Variants in SEMA3G observed in about 807,000 individuals in gnomAD.
The protein encoded by SEMA3G is semaphorin 3G, also known as semaphorin-3G.
SEMA3G carries 70 observed loss-of-function variants against 86.2 expected under a neutral mutation model. The observed-to-expected ratio is 0.81, with a 90% CI of 0.67 to 0.99. SEMA3G has a LOEUF of 0.99. Among genes scored for constraint, SEMA3G ranks in the 50% least tolerant of loss-of-function variants. The pLI is 0.00. For missense variants in SEMA3G, 1,002 were observed against 1,072.4 expected (o/e 0.93, Z 0.92); for synonymous variants, 416 against 441.4 (o/e 0.94, Z 0.72).
At chr3:52,438,879 G>A in intron 13 of SEMA3G, 41 bp downstream of exon 13, 1 of 1,610,716 alleles carries the variant, frequency 6.2e-7, no homozygotes, top group Non-Finnish European at 8.5e-7. Context: ...CGGAGCAGGG[G>A]CAGAAGGGGG....
At chr3:52,444,252 C>A (rs556517527) in intron 1 of SEMA3G, among the ~76,000 whole-genome samples, 2 of 152,286 alleles carry the variant, frequency 1.3e-5, no homozygotes, top group Admixed American at 1.3e-4. Context: ...CCTCTGTCTC[C>A]TCCCCATCTT....
At chr3:52,437,250 A>G (rs1478794494) in intron 15 of SEMA3G, among the ~76,000 whole-genome samples, 1 of 152,172 alleles carries the variant, frequency 6.6e-6, no homozygotes, top group Non-Finnish European at 1.5e-5. Flanking sequence ...GTGTGTAAAC[A>G]TGGGAGACTT....
rs1315952388 is a variant in SEMA3G, at chr3:52,434,415, C to T, written c.*1188G>A. On this transcript the variant is annotated 3_prime_UTR_variant, in exon 16 of 16. Transcript: ENST00000231721. The surrounding 1 kb of genome is among the most constrained non-coding windows in gnomAD (Gnocchi z 5.2). ...GTTTCCCCCTTAAAAGAAAAACAGT[C>T]TTCCTAAATCCATTTAGCATAAAAC... The T allele has an allele frequency of 2.0e-5, 3 of 152,034 alleles. No individual in the cohort carries two copies. Among genetic ancestry groups the T allele is most frequent in the Non-Finnish European group, 4.4e-5 (3 of 68,026 alleles). The allele number at this position is 152,034 out of a possible 1,614,324, so 9.4% of individuals were successfully genotyped here. A position where few individuals can be genotyped will look rare whatever the true frequency, so the allele number is the denominator to read the frequency against.
rs1182077914 is a variant in SEMA3G, at chr3:52,440,829, G to A, written c.929-6C>T. 3.7e-6 allele frequency: 6 copies of A among 1,611,682 alleles called. No individual in the cohort carries two copies. On this transcript the variant is annotated splice_region_variant and splice_polypyrimidine_tract_variant and intron_variant, in intron 8 of 15. Transcript: ENST00000231721. Reference sequence around the variant, plus strand: ...CCACAGCAGGAACACATCCTCTGGGGTAGAGAAAGGAGTATGAGTGTCATG... The same window carrying A: ...CCACAGCAGGAACACATCCTCTGGGATAGAGAAAGGAGTATGAGTGTCATG...
chr3:52,441,042 C>G lies in SEMA3G; in HGVS notation c.820G>C (p.Ala274Pro), dbSNP rs1706144010. 1 of 1,593,762 alleles carries G rather than the reference C, an allele frequency of 6.3e-7. No homozygotes were observed. Among genetic ancestry groups the G allele is most frequent in the African/African-American group, 1.3e-5 (1 of 74,858 alleles). ...TTCACCAGCACCCGCTGGCCCCCAGCATCATTCTGCAGGATAAGGGGCCAG... is the reference window on the plus strand; with the variant it reads ...TTCACCAGCACCCGCTGGCCCCCAGGATCATTCTGCAGGATAAGGGGCCAG... ...SRVGRVCVND[A>P]GGQRVLVNKW... Residue 274 changes from alanine (A) to proline (P), a missense_variant, in exon 8 of 16, where the codon GCT becomes CCT. Transcript: ENST00000231721.
rs534681162 is a variant in SEMA3G, at chr3:52,439,796, C to T, written c.1376-25G>A. 4.5e-5 allele frequency: 72 copies of T among 1,611,396 alleles called. 2 individuals are homozygous for T. The South Asian group carries it at 6.5e-4, about 15-fold the overall frequency. On this transcript the variant is annotated intron_variant, in intron 11 of 15. Transcript: ENST00000231721. ...TCTGGGGCCAGGGAGGAGGGGTCAG[C>T]GGGACAGGAGGGGACAGCCAGAGAC...
At chr3:52,440,628 G>T in intron 9 of SEMA3G, 107 bp from the exon 10 acceptor site, 1 of 1,472,014 alleles carries the variant, frequency 6.8e-7, no homozygotes. Context: ...GCAGCAAGCA[G>T]AGACTCCGAA....
chr3:52,435,782 C>T lies in SEMA3G; in HGVS notation c.2170G>A (p.Glu724Lys). 3 of 1,614,180 alleles carry T rather than the reference C, an allele frequency of 1.9e-6. No individual in the cohort carries two copies. The highest frequency in any genetic ancestry group is 1.6e-4 in the Middle Eastern group (1 of 6,062). ...IGFANLPRVDEYCERVWCRGT... is the reference protein window; with the variant it reads ...IGFANLPRVDKYCERVWCRGT... ...CTGCACCACACGCGCTCACAGTACT[C>T]ATCCACCCGGGGCAGGTTGGCGAAG... The change falls in exon 16 of 16, where the codon GAG becomes AAG. Residue 724 changes from glutamate to lysine, a missense_variant. Physicochemically the swap from Glu to Lys is moderately conservative, Grantham distance 56. Coordinates refer to ENST00000231721, the MANE Select transcript of SEMA3G (RefSeq NM_020163.3).
chr3:52,440,714 CAG>C lies in SEMA3G; in HGVS notation c.998+38_998+39del, dbSNP rs755463771. On this transcript the variant is annotated intron_variant, in intron 9 of 15. Coordinates refer to ENST00000231721, the MANE Select transcript of SEMA3G (RefSeq NM_020163.3). The stretch of plus-strand genomic sequence containing the variant: ...CAGGTCACCGAATCAGGGACAAAGA[CAG>C]GGGCCCATCGCAAGGCCGGGGTGCT... 5.5e-5 allele frequency: 87 copies of C among 1,580,160 alleles called. 1 individual carries two copies. The highest frequency in any genetic ancestry group is 2.3e-4 in the South Asian group (20 of 88,006).
Position 52,445,051 on chromosome 3 carries a change from G to T in SEMA3G, c.-24C>A. Reference sequence around the variant, plus strand: ...ATGCTGGGGAACTGAGGGCACCGCTGCCGCCTGCCTGCAGAGCCGCCCTCT... The same window carrying T: ...ATGCTGGGGAACTGAGGGCACCGCTTCCGCCTGCCTGCAGAGCCGCCCTCT... On this transcript the variant is annotated 5_prime_UTR_variant, in exon 1 of 16. Coordinates refer to ENST00000231721, the MANE Select transcript of SEMA3G (RefSeq NM_020163.3). 1 of 1,263,104 alleles carries T rather than the reference G, an allele frequency of 7.9e-7. No homozygotes were observed. Among genetic ancestry groups the T allele is most frequent in the African/African-American group, 1.5e-5 (1 of 64,656 alleles). 78.2% of individuals were successfully genotyped at this position (1,263,104 alleles called of 1,614,324 possible).
chr3:52,445,047 C>T lies in SEMA3G; in HGVS notation c.-20G>A, dbSNP rs1706241556. The T allele has an allele frequency of 2.4e-6, 3 of 1,263,286 alleles. No homozygotes were observed. Among genetic ancestry groups the T allele is most frequent in the Admixed American group, 4.2e-5 (1 of 23,774 alleles). 78.3% of individuals were successfully genotyped at this position (1,263,286 alleles called of 1,614,324 possible). On this transcript the variant is annotated 5_prime_UTR_variant, in exon 1 of 16. Coordinates refer to ENST00000231721, the MANE Select transcript of SEMA3G (RefSeq NM_020163.3). ...GGCCATGCTGGGGAACTGAGGGCACCGCTGCCGCCTGCCTGCAGAGCCGCC... is the reference window on the plus strand; with the variant it reads ...GGCCATGCTGGGGAACTGAGGGCACTGCTGCCGCCTGCCTGCAGAGCCGCC...
Position 52,442,283 on chromosome 3 carries a change from G to A in SEMA3G, c.361C>T (p.Arg121Trp), listed in dbSNP as rs1335526424. ...GTCCGGTTGTGAGGCTGTAGCACCC[G>A]CACGAAGTTGGCGCACTCTGTCTGC... is the stretch of plus-strand genomic sequence containing the variant. ...DPLTECANFV[R>W]VLQPHNRTHL... The change falls in exon 4 of 16, where the codon CGG (arginine) becomes TGG (tryptophan). Residue 121 changes from arginine (R) to tryptophan (W), a missense_variant. Transcript: ENST00000231721. The surrounding 1 kb of genome is among the most constrained non-coding windows in gnomAD (Gnocchi z 6.1). 8.1e-6 allele frequency: 13 copies of A among 1,613,828 alleles called. No individual in the cohort carries two copies. The highest frequency in any genetic ancestry group is 1.7e-5 in the Admixed American group (1 of 60,014).
At chr3:52,436,241 A>G (rs769191980) in intron 15 of SEMA3G, among the ~76,000 whole-genome samples, 168 bp from the exon 16 acceptor site, 3 of 152,206 alleles carry the variant, frequency 2.0e-5, no homozygotes, top group Non-Finnish European at 4.4e-5. Context: ...GGCCTCCTCT[A>G]GACCACCAGC....
Position 52,435,878 on chromosome 3 carries a change from G to A in SEMA3G, c.2074C>T (p.Pro692Ser), listed in dbSNP as rs200593686. ...GAAGCCAGGCCTCCCCGGGCTGGGG[G>A]CTCCTCTGGCTTTGGCTCCGGAGGG... ...LFPPEPKPEE[P>S]PARGGLASTP... The change falls in exon 16 of 16, where the codon CCC (proline) becomes TCC (serine). Residue 692 changes from proline to serine, a missense_variant. Coordinates refer to ENST00000231721, the MANE Select transcript of SEMA3G (RefSeq NM_020163.3). 9.0e-5 allele frequency: 145 copies of A among 1,613,996 alleles called. No homozygotes were observed. Among genetic ancestry groups the A allele is most frequent in the Non-Finnish European group, 1.1e-4 (132 of 1,180,058 alleles).
Position 52,442,398 on chromosome 3 carries a change from T to A in SEMA3G, c.340-94A>T. On this transcript the variant is annotated intron_variant, in intron 3 of 15. Coordinates refer to ENST00000231721, the MANE Select transcript of SEMA3G (RefSeq NM_020163.3). The surrounding 1 kb of genome is among the most constrained non-coding windows in gnomAD (Gnocchi z 6.1). ...CTCAGCCCTGTCTGGCGGTCAGCTC[T>A]GGGGAGGGGGGTGGGTGTGACATTC... 1.9e-6 allele frequency: 1 copy of A among 514,410 alleles called. No homozygotes were observed. The highest frequency in any genetic ancestry group is 3.5e-6 in the Non-Finnish European group (1 of 287,572). The allele number at this position is 514,410 out of a possible 1,614,324, so 31.9% of individuals were successfully genotyped here.
chr3:52,436,116 A>G, intron 15 of SEMA3G, 43 bp from the exon 16 acceptor site: 1 of 1,552,228 alleles, frequency 6.4e-7, no homozygotes, highest in Non-Finnish European at 8.7e-7. Flanking sequence ...GCAAGGTGGG[A>G]GTTTACCATC....
At position 52,440,454 on chromosome 3, in the gene SEMA3G, G is replaced by A; in HGVS notation, c.1066C>T (p.Pro356Ser). Reference protein sequence around the residue: ...MADIWEVFNGPFAHRDGPQHQ... With the variant: ...MADIWEVFNGSFAHRDGPQHQ... Reference sequence around the variant, plus strand: ...TGAGGCCCATCTCGGTGGGCAAAGGGCCCGTTGAAAACCTCCCAGATGTCT... The same window carrying A: ...TGAGGCCCATCTCGGTGGGCAAAGGACCCGTTGAAAACCTCCCAGATGTCT... Residue 356 changes from proline to serine, a missense_variant, in exon 10 of 16, where the codon CCC (proline) becomes TCC (serine). By Grantham distance (74) the Pro-to-Ser change is moderately conservative (BLOSUM62 -1). Transcript: ENST00000231721. 1 of 1,603,816 alleles carries A rather than the reference G, an allele frequency of 6.2e-7. No individual in the cohort carries two copies. Among genetic ancestry groups the A allele is most frequent in the Non-Finnish European group, 8.5e-7 (1 of 1,176,174 alleles).
rs1321287722 is a variant in SEMA3G, at chr3:52,435,714, C to T, written c.2238G>A (p.Arg746=). The change falls in exon 16 of 16, where the codon CGG becomes CGA. Residue 746 remains arginine, a synonymous_variant. Transcript: ENST00000231721. The part of the protein sequence containing the change: ...ECSGCFRSRS[R]GKQARGKSWA... ...AGCTCTTGCCCCTGGCCTGCTTGCC[C>T]CGGCTCCGGCTCCGGAAGCAGCCTG... 5.0e-6 allele frequency: 8 copies of T among 1,614,076 alleles called. No homozygotes were observed. The highest frequency in any genetic ancestry group is 5.9e-6 in the Non-Finnish European group (7 of 1,180,012).
rs895151931 is a variant in SEMA3G at position 52,438,177 on chromosome 3, C to T, written c.1532G>A (p.Arg511Gln). The T allele has an allele frequency of 1.5e-5, 24 of 1,613,054 alleles. No homozygotes were observed. The South Asian group carries it at 1.6e-4, about 11-fold the overall frequency. Residue 511 changes from arginine (R) to glutamine (Q), a missense_variant, in exon 14 of 16, where the codon CGG becomes CAG. Arg to Gln is a conservative substitution (Grantham distance 43). Transcript: ENST00000231721. The stretch of plus-strand genomic sequence containing the variant: ...CAGCCGCAGCTGGGCCACACCCAGC[C>T]GAGAGCCCACGTATAGCATTTGCTG... Reference protein sequence around the residue: ...VKRQMLYVGSRLGVAQLRLHQ... With the variant: ...VKRQMLYVGSQLGVAQLRLHQ...
Sources: allele counts gnomAD v4.1 joint callset (sites outside exome capture counted in the v4.1 genomes callset), GRCh38; gene constraint gnomAD v4.1.1; non-coding constraint Gnocchi (gnomAD v3.1); transcripts MANE v1.5; gene names NCBI Gene and HGNC (gene_info 2026-07-23, HGNC 2026-07-21).